The following MORC1 variants were observed in gnomAD, a reference collection of about 807,000 sequenced individuals.
The protein encoded by MORC1 is MORC family CW-type zinc finger 1, also known as MORC family CW-type zinc finger protein 1.
Under a neutral mutation model 134.9 loss-of-function variants are expected in MORC1, and 59 were observed. The ratio of observed to expected loss-of-function variants is 0.44; its 90% CI spans 0.35 to 0.54. MORC1 has a LOEUF of 0.54. Ranked by LOEUF, MORC1 falls within the 20% of genes least tolerant of loss-of-function variation. The probability of loss-of-function intolerance (pLI) is 0.00; values close to 1 mark genes in which losing one functional copy is unlikely to be tolerated. For synonymous variants in MORC1, 395 were observed against 391.7 expected (o/e 1.01, Z -0.10); for missense variants, 947 against 1,134.5 (o/e 0.83, Z 2.37).
intron 3 of MORC1, among the ~76,000 whole-genome samples, chr3:109,108,529 C>T (rs1413565023): frequency 6.6e-6 from 1 of 152,122 alleles, no homozygotes; most frequent in Non-Finnish European, 1.5e-5. Context: ...GCCATACCTC[C>T]CTGCTATCCT....
intron 24 of MORC1, among the ~76,000 whole-genome samples, chr3:108,971,944 G>A (rs760993234): frequency 9.2e-5 from 14 of 152,162 alleles, no homozygotes; most frequent in Non-Finnish European, 1.6e-4. Flanking sequence ...CTAGTTGAGT[G>A]TTCTCTTCTG....
chr3:108,991,874 T>C (rs1337009902), intron 21 of MORC1, among the ~76,000 whole-genome samples: 1 of 152,162 alleles, frequency 6.6e-6, no homozygotes, highest in Non-Finnish European at 1.5e-5. Flanking sequence ...TATTTAGTTT[T>C]CCATATTTCT....
At chr3:108,963,751 T>C (rs1001709734) in intron 26 of MORC1, 143 bp from the exon 27 acceptor site, 10 of 584,952 alleles carry the variant, frequency 1.7e-5, no homozygotes, top group African/African-American at 5.7e-5. Flanking sequence ...GAAATATTGA[T>C]ACCCTTAAGG....
intron 26 of MORC1, among the ~76,000 whole-genome samples, chr3:108,966,690 A>C (rs1947228214): frequency 6.6e-6 from 1 of 152,168 alleles, no homozygotes; most frequent in Admixed American, 6.6e-5. Flanking sequence ...AAAAACTGAG[A>C]GTCTTCATAT....
chr3:109,011,124 A>G (rs1948671326), intron 17 of MORC1, among the ~76,000 whole-genome samples: 1 of 152,196 alleles, frequency 6.6e-6, no homozygotes, highest in South Asian at 2.1e-4. Flanking sequence ...CCAAGGCAGG[A>G]GGATCACTTG....
At chr3:109,077,150 T>TAATTTGAAGTGGAAGGGAAAAATATTTA (rs1293552240) in intron 8 of MORC1, among the ~76,000 whole-genome samples, 2 of 152,110 alleles carry the variant, frequency 1.3e-5, no homozygotes, top group Non-Finnish European at 2.9e-5. Context: ...AATATTTCTA[T>TAATTTGAAGTGGAAGGGAAAAATATTTA]AACCATTTAA....
At chr3:109,006,240 A>T (rs1559887612) in intron 18 of MORC1, among the ~76,000 whole-genome samples, 1 of 152,160 alleles carries the variant, frequency 6.6e-6, no homozygotes, top group African/African-American at 2.4e-5. Flanking sequence ...TAGATAAATT[A>T]CTATAAAAGG....
intron 9 of MORC1, among the ~76,000 whole-genome samples, 194 bp downstream of exon 9, chr3:109,069,438 A>ATGTT (rs1231946059): frequency 6.6e-6 from 1 of 152,216 alleles, no homozygotes; most frequent in Non-Finnish European, 1.5e-5. Context: ...TCACTGCAGT[A>ATGTT]TGTTTCTATT....
intron 21 of MORC1, among the ~76,000 whole-genome samples, chr3:108,989,287 G>C (rs998532880): frequency 1.9e-4 from 29 of 152,232 alleles, no homozygotes; most frequent in African/African-American, 6.3e-4. Context: ...TGAAGCTGGA[G>C]GAAATCTCTT....
At chr3:109,044,957 A>G (rs1400537093) in intron 14 of MORC1, among the ~76,000 whole-genome samples, 3 of 151,348 alleles carry the variant, frequency 2.0e-5, no homozygotes, top group Admixed American at 6.6e-5. Context: ...AAAAAAAAAA[A>G]AAAGAAAAAG....
chr3:109,022,643 G>T (rs958334479), intron 17 of MORC1, among the ~76,000 whole-genome samples: 1 of 152,186 alleles, frequency 6.6e-6, no homozygotes, highest in Non-Finnish European at 1.5e-5. Context: ...TTGTGACCAG[G>T]TATAAGAACA....
rs746496147 is a variant in MORC1 at position 108,987,807 on chromosome 3, G to C, written c.2188-858C>G. ...GAGAATGTGTCTGTTTATGCCTGCG[G>C]GGAAAGACACCCAGAATGCTCCCTC... On this transcript the variant is annotated intron_variant, in intron 21 of 27. Coordinates refer to ENST00000232603, the MANE Select transcript of MORC1 (RefSeq NM_014429.4). Among the ~76,000 whole-genome samples, 96 of 152,028 alleles carry C rather than the reference G, an allele frequency of 6.3e-4. 1 individual carries two copies. The highest frequency in any genetic ancestry group is 9.9e-4 in the Non-Finnish European group (67 of 67,984).
intron 2 of MORC1, among the ~76,000 whole-genome samples, chr3:109,113,807 G>A (rs1434833174): frequency 6.6e-6 from 1 of 152,144 alleles, no homozygotes; most frequent in African/African-American, 2.4e-5. Context: ...TCTGCAGCCA[G>A]ACTGCCCAAA....
Position 108,959,030 on chromosome 3 carries a change from T to C in MORC1, c.2890A>G (p.Lys964Glu). Residue 964 changes from lysine (K) to glutamate (E), a missense_variant, in exon 28 of 28, where the codon AAA becomes GAA. Lys to Glu is a moderately conservative substitution (Grantham distance 56). Around this residue, in one of 3 missense-constraint regions of MORC1, gnomAD observed 722 missense variants for 817.0 expected, o/e 0.88. Coordinates refer to ENST00000232603, the MANE Select transcript of MORC1 (RefSeq NM_014429.4). ...DNLLFQNNLN[K>E]VTIDARHRLP... is the part of the protein sequence containing the mutation. ...CTATGTCTTGCATCTATAGTTACTT[T>C]ATTTAAATTGTTCTGGAAGAGAAGA... 1 of 1,556,804 alleles carries C rather than the reference T, an allele frequency of 6.4e-7. No homozygotes were observed. The highest frequency in any genetic ancestry group is 8.7e-7 in the Non-Finnish European group (1 of 1,152,156).
chr3:108,961,387 T>G (rs1947075599), intron 27 of MORC1, among the ~76,000 whole-genome samples: 1 of 152,206 alleles, frequency 6.6e-6, no homozygotes, highest in Non-Finnish European at 1.5e-5. Flanking sequence ...AAGAATGCCC[T>G]GTGACCCTGA....
At chr3:108,960,996 A>T (rs1947065947) in intron 27 of MORC1, among the ~76,000 whole-genome samples, 1 of 152,170 alleles carries the variant, frequency 6.6e-6, no homozygotes, top group South Asian at 2.1e-4. Context: ...TTACATTTTG[A>T]CTTTTAACTT....
chr3:108,999,766 A>G (rs1221790422), intron 21 of MORC1, among the ~76,000 whole-genome samples: 3 of 152,212 alleles, frequency 2.0e-5, no homozygotes, highest in Admixed American at 6.5e-5. Flanking sequence ...TTGGCAATCA[A>G]GGTAAAAATG....
At chr3:109,109,638 C>T (rs1337277547) in intron 3 of MORC1, 1 of 152,194 alleles carries the variant, frequency 6.6e-6, no homozygotes, top group Non-Finnish European at 1.5e-5. Context: ...CTTTTTCTCA[C>T]TAGAAAGGCC....
intron 17 of MORC1, among the ~76,000 whole-genome samples, chr3:109,023,055 G>C (rs1948995419): frequency 6.6e-6 from 1 of 152,116 alleles, no homozygotes; most frequent in African/African-American, 2.4e-5. Flanking sequence ...TTCTAAGTAG[G>C]TAAATGAAGG....
Sources: gnomAD v4.1 joint callset for allele counts (sites outside exome capture counted in the v4.1 genomes callset) on GRCh38, gnomAD v4.1.1 for gene constraint, gnomAD v4.1.1 regional missense constraint, MANE v1.5 for transcripts, NCBI Gene and HGNC (gene_info 2026-07-23, HGNC 2026-07-21) for gene names.